Variants in QSER1 observed in about 807,000 individuals in gnomAD.
The protein encoded by QSER1 is glutamine and serine rich 1.
Under a neutral mutation model 158.5 loss-of-function variants are expected in QSER1, and 49 were observed. The ratio of observed to expected loss-of-function variants is 0.31; its 90% CI spans 0.25 to 0.39. The LOEUF is 0.39. Ranked by LOEUF, QSER1 falls within the 10% of genes least tolerant of loss-of-function variation. The pLI, the probability that QSER1 is intolerant of heterozygous loss-of-function variation, is 1.00. For synonymous variants in QSER1, 650 were observed against 715.5 expected, an observed-to-expected ratio of 0.91 and a Z score of 1.46; for missense variants, 1,754 against 2,010.3, an observed-to-expected ratio of 0.87 and a Z score of 2.44.
At position 32,934,869 on chromosome 11, in the gene QSER1, G is replaced by T; in HGVS notation, c.3611G>T (p.Arg1204Ile). The T allele has an allele frequency of 6.2e-7, 1 of 1,613,974 alleles. No individual in the cohort carries two copies. Among genetic ancestry groups the T allele is most frequent in the Non-Finnish European group, 8.5e-7 (1 of 1,179,988 alleles). The change falls in exon 4 of 13, where the codon AGA becomes ATA. Residue 1204 changes from arginine to isoleucine, a missense_variant. By Grantham distance (97) the Arg-to-Ile change is moderately conservative. Around this residue, in one of 2 missense-constraint regions of QSER1, gnomAD observed 1,707 missense variants for 1,919.6 expected, o/e 0.89. Transcript: ENST00000650167. ...ATGCATTTTAACCTTCAAAAGAAAAGAGCTAAAGGAAAAGGGCAAGTTAAA... is the reference window on the plus strand; with the variant it reads ...ATGCATTTTAACCTTCAAAAGAAAATAGCTAAAGGAAAAGGGCAAGTTAAA... The part of the protein sequence containing the change: ...DLMHFNLQKK[R>I]AKGKGQVKEE...
Position 32,976,785 on chromosome 11 carries a change from A to T in QSER1, c.*311A>T, listed in dbSNP as rs574243943. ...AATGATGAAGCATGCACTAAGTATA[A>T]TTTTTTTTTATTGCTAGAGAAGTAA... On this transcript the variant is annotated 3_prime_UTR_variant, in exon 13 of 13. Coordinates refer to ENST00000650167, the MANE Select transcript of QSER1 (RefSeq NM_001076786.3). The T allele has an allele frequency of 1.7e-4, 37 of 221,544 alleles. No individual in the cohort carries two copies. Among genetic ancestry groups the T allele is most frequent in the African/African-American group, 8.5e-4 (36 of 42,586 alleles). The allele number at this position is 221,544 out of a possible 1,614,324, so 13.7% of individuals were successfully genotyped here.
intron 4 of QSER1, among the ~76,000 whole-genome samples, chr11:32,938,329 G>A (rs1378056136): frequency 3.3e-5 from 5 of 152,172 alleles, no homozygotes; most frequent in Non-Finnish European, 5.9e-5. Flanking sequence ...CTGAAGTGTA[G>A]CAGGTACTCA....
At chr11:32,916,905 G>A (rs1229448179) in intron 1 of QSER1, among the ~76,000 whole-genome samples, 3 of 152,020 alleles carry the variant, frequency 2.0e-5, no homozygotes, top group Non-Finnish European at 4.4e-5. Flanking sequence ...TCCTGCCTCA[G>A]CCTCCTGAGT....
chr11:32,905,939 T>C (rs567638142), intron 1 of QSER1, among the ~76,000 whole-genome samples: 1 of 152,036 alleles, frequency 6.6e-6, no homozygotes, highest in South Asian at 2.1e-4. Flanking sequence ...TTGATTAATA[T>C]GTTATAATTT....
chr11:32,925,497 T>TTTTA (rs956363607), intron 1 of QSER1, among the ~76,000 whole-genome samples: 14 of 77,718 alleles, frequency 1.8e-4, no homozygotes, highest in African/African-American at 6.8e-4. Context: ...ATCGCTTTTT[T>TTTTA]ATTTATTTAT....
chr11:32,920,603 T>C (rs1348744079), intron 1 of QSER1, among the ~76,000 whole-genome samples: 1 of 152,202 alleles, frequency 6.6e-6, no homozygotes, highest in East Asian at 1.9e-4. Flanking sequence ...GAAAACAATG[T>C]TAAAAATCAG....
chr11:32,949,870 A>C (rs1348625275), intron 4 of QSER1, among the ~76,000 whole-genome samples: 1 of 152,164 alleles, frequency 6.6e-6, no homozygotes, highest in Non-Finnish European at 1.5e-5. Flanking sequence ...TTTATTTGTC[A>C]AGCACTTTAG....
intron 1 of QSER1, among the ~76,000 whole-genome samples, chr11:32,907,594 T>C (rs1219750503): frequency 1.3e-5 from 2 of 152,218 alleles, no homozygotes; most frequent in Non-Finnish European, 2.9e-5. Flanking sequence ...ATTTGAATCA[T>C]GGAAATATGA....
intron 1 of QSER1, among the ~76,000 whole-genome samples, chr11:32,894,991 T>G (rs1159382410): frequency 1.3e-5 from 2 of 152,250 alleles, no homozygotes; most frequent in Non-Finnish European, 2.9e-5. Context: ...TTGTGCCGCA[T>G]TTTTTATCTT....
At chr11:32,918,297 T>C (rs749023074) in intron 1 of QSER1, among the ~76,000 whole-genome samples, 21 of 152,220 alleles carry the variant, frequency 1.4e-4, no homozygotes, top group Non-Finnish European at 2.5e-4. Flanking sequence ...CAAACTAGCA[T>C]ACTATATATA....
Position 32,932,262 on chromosome 11 carries a change from C to G in QSER1, c.1004C>G (p.Thr335Ser). 1.2e-6 allele frequency: 2 copies of G among 1,614,074 alleles called. No homozygotes were observed. Among genetic ancestry groups the G allele is most frequent in the Non-Finnish European group, 1.7e-6 (2 of 1,180,012 alleles). The part of the protein sequence containing the change: ...SGTQSIQAQL[T>S]GSQHSLHSYL... ...ACCCAGTCAATTCAGGCACAACTGA[C>G]TGGTTCACAGCACTCCTTACATAGT... Residue 335 changes from threonine (T) to serine (S), a missense_variant, in exon 4 of 13, where the codon ACT (threonine) becomes AGT (serine). This residue lies in a region of QSER1 where 1,707 missense variants were observed against 1,919.6 expected (regional missense o/e 0.89). Transcript: ENST00000650167.
chr11:32,911,434 T>G (rs1393599850), intron 1 of QSER1, among the ~76,000 whole-genome samples: 2 of 152,108 alleles, frequency 1.3e-5, no homozygotes, highest in African/African-American at 4.8e-5. Context: ...AATAAAAAAG[T>G]ACCAAGTTAT....
rs1340131604 is a variant in QSER1 at position 32,931,657 on chromosome 11, G to C, written c.485-86G>C. ...TTTCAGTCTTAAGACATTTTGATGA[G>C]TTGAGGGTTATGTAAGTCATTACTA... On this transcript the variant is annotated intron_variant, in intron 3 of 12. Transcript: ENST00000650167. 1.2e-5 allele frequency: 13 copies of C among 1,088,008 alleles called. No homozygotes were observed. The East Asian group carries it at 2.9e-4, about 24-fold the overall frequency. 67.4% of individuals were successfully genotyped at this position (1,088,008 alleles called of 1,614,324 possible).
chr11:32,908,942 G>C (rs750622187), intron 1 of QSER1, among the ~76,000 whole-genome samples: 6 of 152,092 alleles, frequency 3.9e-5, no homozygotes, highest in East Asian at 1.9e-4. Context: ...GGCAGATCTC[G>C]TGAGGTCAGA....
chr11:32,935,380 C>A lies in QSER1; in HGVS notation c.4122C>A (p.Ser1374Arg). 1 of 1,593,160 alleles carries A rather than the reference C, an allele frequency of 6.3e-7. No homozygotes were observed. The highest frequency in any genetic ancestry group is 8.5e-7 in the Non-Finnish European group (1 of 1,173,944). ...GATATAGTCAAGATGCTTATAAAAG[C>A]GTCTCTACTCCCTTAACTACTTTGG... ...DPGYSQDAYK[S>R]VSTPLTTLDA... The change falls in exon 4 of 13, where the codon AGC (serine) becomes AGA (arginine). Residue 1374 changes from serine (S) to arginine (R), a missense_variant. Around this residue, in one of 2 missense-constraint regions of QSER1, gnomAD observed 1,707 missense variants for 1,919.6 expected, o/e 0.89. Transcript: ENST00000650167.
Position 32,933,397 on chromosome 11 carries a change from G to T in QSER1, c.2139G>T (p.Arg713Ser), listed in dbSNP as rs1852084803. 1.9e-6 allele frequency: 3 copies of T among 1,613,872 alleles called. No individual in the cohort carries two copies. Among genetic ancestry groups the T allele is most frequent in the Non-Finnish European group, 2.5e-6 (3 of 1,179,928 alleles). The stretch of plus-strand genomic sequence containing the variant: ...CATCTCTTGAGTCATCAACCCAAAG[G>T]CTATCTGATGGAGAAATTAATGCTC... ...PQASLESSTQ[R>S]LSDGEINAQE... Residue 713 changes from arginine (R) to serine (S), a missense_variant, in exon 4 of 13, where the codon AGG becomes AGT. Coordinates refer to ENST00000650167, the MANE Select transcript of QSER1 (RefSeq NM_001076786.3).
In QSER1 at chr11:32,934,421, G is replaced by C. The variant is rs766334143; in HGVS notation, c.3163G>C (p.Val1055Leu). The change falls in exon 4 of 13, where the codon GTT (valine) becomes CTT (leucine). Residue 1055 changes from valine to leucine, a missense_variant. Val to Leu is a conservative substitution (Grantham distance 32, BLOSUM62 1). This residue lies in a region of QSER1 where 1,707 missense variants were observed against 1,919.6 expected (regional missense o/e 0.89). Transcript: ENST00000650167. ...TGATACTTCCTTAAATGGAAATCAG[G>C]TTACTGTGAACCTTTCACCAGTACC... ...INDTSLNGNQVTVNLSPVPAL... is the reference protein window; with the variant it reads ...INDTSLNGNQLTVNLSPVPAL... The C allele has an allele frequency of 1.2e-6, 2 of 1,613,862 alleles. No homozygotes were observed. Among genetic ancestry groups the C allele is most frequent in the Admixed American group, 3.3e-5 (2 of 59,966 alleles).
intron 4 of QSER1, among the ~76,000 whole-genome samples, chr11:32,937,271 CTTTTCTTTT>C (rs922810407): frequency 6.6e-6 from 1 of 151,994 alleles, no homozygotes; most frequent in African/African-American, 2.4e-5. Flanking sequence ...TCATTACAGA[CTTTTCTTTT>C]TTTTCTTTTT....
intron 1 of QSER1, among the ~76,000 whole-genome samples, chr11:32,898,362 T>A (rs955741054): frequency 2.6e-5 from 4 of 152,074 alleles, no homozygotes; most frequent in Non-Finnish European, 5.9e-5. Context: ...GGCGTGCGCC[T>A]GTGGTCCCAG....
Sources: allele counts gnomAD v4.1 joint callset (sites outside exome capture counted in the v4.1 genomes callset), GRCh38; gene constraint gnomAD v4.1.1; regional missense constraint gnomAD v4.1.1; transcripts MANE v1.5; gene names NCBI Gene and HGNC (gene_info 2026-07-23, HGNC 2026-07-21).